The following ZFR variants were observed in gnomAD, a reference collection of about 807,000 sequenced individuals.
The protein encoded by ZFR is zinc finger RNA-binding protein.
Under a neutral mutation model 130.7 loss-of-function variants are expected in ZFR, and 19 were observed. The ratio of observed to expected loss-of-function variants is 0.15; its 90% CI spans 0.10 to 0.21. The LOEUF is 0.21. Among genes scored for constraint, ZFR ranks in the 10% least tolerant of loss-of-function variants. The pLI is 1.00. For missense variants in ZFR, 872 were observed against 1,321.5 expected (o/e 0.66, Z 5.27); for synonymous variants, 466 against 456.9 (o/e 1.02, Z -0.25).
Position 32,438,286 on chromosome 5 carries a change from G to A in ZFR, c.137+5943C>T, listed in dbSNP as rs551682982. ...TTTTTTTTTTTTTTTTTTTTGAGAC[G>A]GAGTTTCACTCTTGTCGCCCAGGCT... On this transcript the variant is annotated intron_variant, in intron 2 of 19. Coordinates refer to ENST00000265069, the MANE Select transcript of ZFR (RefSeq NM_016107.5). Among the ~76,000 whole-genome samples, 45 of 56,168 alleles carry A rather than the reference G, an allele frequency of 8.0e-4. 1 individual carries two copies. The highest frequency in any genetic ancestry group is 2.1e-3 in the African/African-American group (40 of 18,756). 36.8% of individuals were successfully genotyped at this position (56,168 alleles called of 152,430 possible). A position where few individuals can be genotyped will look rare whatever the true frequency, so the allele number is the denominator to read the frequency against.
chr5:32,380,228 G>A, intron 15 of ZFR, 56 bp from the exon 16 acceptor site: 1 of 1,340,134 alleles, frequency 7.5e-7, no homozygotes, highest in South Asian at 1.2e-5. Flanking sequence ...GACCAGGTGA[G>A]CAAGACACTT....
intron 9 of ZFR, among the ~76,000 whole-genome samples, chr5:32,397,849 CT>C (rs70961626): frequency 0.075 from 4,977 of 66,296 alleles, 24 homozygotes; most frequent in African/African-American, 0.083. Context: ...GCTCTTGTAT[CT>C]TTTTTTTTTT....
chr5:32,436,103 C>G (rs555424598), intron 2 of ZFR, among the ~76,000 whole-genome samples: 2 of 149,064 alleles, frequency 1.3e-5, no homozygotes, highest in South Asian at 4.2e-4. Flanking sequence ...CTTTCTTTCC[C>G]TGGTCCTACC....
At chr5:32,357,817 A>G (rs575552271) in intron 19 of ZFR, among the ~76,000 whole-genome samples, 1 of 152,362 alleles carries the variant, frequency 6.6e-6, no homozygotes, top group South Asian at 2.1e-4. Flanking sequence ...TTAGATGATT[A>G]GCCAGTTATC....
At chr5:32,388,970 T>C (rs1753101120) in intron 12 of ZFR, among the ~76,000 whole-genome samples, 1 of 152,232 alleles carries the variant, frequency 6.6e-6, no homozygotes, top group Admixed American at 6.5e-5. Flanking sequence ...AAACCAGTGA[T>C]TCTGAAACTT....
Position 32,390,298 on chromosome 5 carries a change from G to T in ZFR, c.2119C>A (p.Pro707Thr), listed in dbSNP as rs1753137942. The T allele has an allele frequency of 2.5e-6, 4 of 1,613,890 alleles. No individual in the cohort carries two copies. The highest frequency in any genetic ancestry group is 3.4e-6 in the Non-Finnish European group (4 of 1,179,900). The change falls in exon 12 of 20, where the codon CCT (proline) becomes ACT (threonine). Residue 707 changes from proline (P) to threonine (T), a missense_variant. Physicochemically the swap from Pro to Thr is conservative, Grantham distance 38 (BLOSUM62 -1). This residue lies in a region of ZFR where 225 missense variants were observed against 282.4 expected (regional missense o/e 0.80). Transcript: ENST00000265069. ...ACTGCAGGCCCCTGAGGCTGAGGAG[G>T]CATGCCTGGTCGGACTCCCAGAAGG... is the stretch of plus-strand genomic sequence containing the variant. ...LGLLGVRPGM[P>T]PQPQGPAPLR...
intron 6 of ZFR, among the ~76,000 whole-genome samples, chr5:32,404,979 G>A (rs1340494021): frequency 6.6e-6 from 1 of 152,096 alleles, no homozygotes; most frequent in Non-Finnish European, 1.5e-5. Context: ...ACCATGCGTA[G>A]CTCATTTTTC....
At chr5:32,441,531 A>C (rs1754473827) in intron 2 of ZFR, among the ~76,000 whole-genome samples, 1 of 151,692 alleles carries the variant, frequency 6.6e-6, no homozygotes, top group South Asian at 2.1e-4. Flanking sequence ...AAAAAAAAAA[A>C]CTGCATATGT....
chr5:32,404,092 A>G lies in ZFR; in HGVS notation c.1038T>C (p.Tyr346=), dbSNP rs917284500. 8.1e-6 allele frequency: 13 copies of G among 1,597,740 alleles called. No individual in the cohort carries two copies. Among genetic ancestry groups the G allele is most frequent in the South Asian group, 2.3e-5 (2 of 87,758 alleles). ...CKISCAGPQT[Y]KEHLEGQKHK... ...GTTTCTGTCCTTCTAAATGTTCTTT[A>G]TAAGTCTGTTTCAAATAAAAAGGAA... Residue 346 remains tyrosine (Y), a synonymous_variant, in exon 7 of 20, where the codon TAT becomes TAC. Transcript: ENST00000265069.
intron 12 of ZFR, among the ~76,000 whole-genome samples, chr5:32,390,065 T>G (rs773618425): frequency 5.3e-5 from 8 of 152,168 alleles, no homozygotes; most frequent in Non-Finnish European, 1.0e-4. Context: ...GCAGGAGAAT[T>G]GCTTGAACCT....
Position 32,390,453 on chromosome 5 carries a change from T to A in ZFR, c.1980-16A>T. 1 of 1,607,562 alleles carries A rather than the reference T, an allele frequency of 6.2e-7. No individual in the cohort carries two copies. The highest frequency in any genetic ancestry group is 1.1e-5 in the South Asian group (1 of 90,710). On this transcript the variant is annotated splice_polypyrimidine_tract_variant and intron_variant, in intron 11 of 19. Transcript: ENST00000265069. ...TTCATAACGTCTGAAACATAAAGAA[T>A]GACATTATAAGCATATGAGGAAAAA...
At chr5:32,397,023 CTTCT>C (rs1211688280) in intron 10 of ZFR, among the ~76,000 whole-genome samples, 192 bp downstream of exon 10, 7 of 152,274 alleles carry the variant, frequency 4.6e-5, no homozygotes, top group African/African-American at 9.6e-5. Context: ...GAATGTTATT[CTTCT>C]TTATTTTAAA....
At chr5:32,441,033 G>A (rs368615695) in intron 2 of ZFR, among the ~76,000 whole-genome samples, 32 of 152,218 alleles carry the variant, frequency 2.1e-4, no homozygotes, top group African/African-American at 6.5e-4. Context: ...GAGTGTAATC[G>A]CGCGATCTTG....
chr5:32,406,228 A>G (rs1753577546), intron 6 of ZFR, among the ~76,000 whole-genome samples: 1 of 152,180 alleles, frequency 6.6e-6, no homozygotes, highest in Non-Finnish European at 1.5e-5. Flanking sequence ...TGCCTCACTA[A>G]TTGGTATTTT....
intron 19 of ZFR, among the ~76,000 whole-genome samples, chr5:32,357,082 T>C (rs1461987514): frequency 2.0e-5 from 3 of 151,754 alleles, no homozygotes; most frequent in South Asian, 2.1e-4. Flanking sequence ...TCGACCTCCC[T>C]GGGCTCAGAT....
At chr5:32,413,072 C>T (rs1225399358) in intron 5 of ZFR, among the ~76,000 whole-genome samples, 2 of 152,002 alleles carry the variant, frequency 1.3e-5, no homozygotes, top group Admixed American at 6.6e-5. Flanking sequence ...GCTTGTAGTC[C>T]CGGCTACTTG....
At chr5:32,442,554 T>C (rs2111883457) in intron 2 of ZFR, among the ~76,000 whole-genome samples, 1 of 152,356 alleles carries the variant, frequency 6.6e-6, no homozygotes, top group South Asian at 2.1e-4. Flanking sequence ...GCTGTAATAA[T>C]TTGTCATCTC....
chr5:32,366,695 C>A lies in ZFR; in HGVS notation c.2836-2420G>T, dbSNP rs936815576. The stretch of plus-strand genomic sequence containing the variant: ...TAATTCAAAAGTAAAAAGATAATAT[C>A]AAAAATAAATAGAATCAAATTAAGG... On this transcript the variant is annotated intron_variant, in intron 17 of 19. Transcript: ENST00000265069. Among the ~76,000 whole-genome samples, 6 of 151,762 alleles carry A rather than the reference C, an allele frequency of 4.0e-5. No individual in the cohort carries two copies. The East Asian group carries it at 1.2e-3, about 29-fold the overall frequency.
chr5:32,432,824 G>C (rs919352146), intron 2 of ZFR, among the ~76,000 whole-genome samples: 2 of 151,780 alleles, frequency 1.3e-5, no homozygotes, highest in Non-Finnish European at 2.9e-5. Flanking sequence ...AACATCCCCA[G>C]CTCACGTGAT....
Sources: gnomAD v4.1 joint callset for allele counts (sites outside exome capture counted in the v4.1 genomes callset) on GRCh38, gnomAD v4.1.1 for gene constraint, gnomAD v4.1.1 regional missense constraint, MANE v1.5 for transcripts, NCBI Gene and HGNC (gene_info 2026-07-23, HGNC 2026-07-21) for gene names.